CACNA2D1: variants seen among roughly 807,000 people sequenced by gnomAD.
CACNA2D1 encodes the protein calcium voltage-gated channel auxiliary subunit alpha2delta 1.
A neutral mutation model predicts 171.5 loss-of-function variants in CACNA2D1; 53 were observed. The ratio of observed to expected loss-of-function variants is 0.31; its 90% CI spans 0.25 to 0.39. The LOEUF is 0.39. Ranked by LOEUF, CACNA2D1 falls within the 10% of genes least tolerant of loss-of-function variation. The pLI, the probability that CACNA2D1 is intolerant of heterozygous loss-of-function variation, is 1.00. For synonymous variants in CACNA2D1, 442 were observed against 443.1 expected, an observed-to-expected ratio of 1.00 and a Z score of 0.03; for missense variants, 903 against 1,299.8, an observed-to-expected ratio of 0.69 and a Z score of 4.69.
chr7:82,067,126 A>G (rs1442972887), intron 7 of CACNA2D1, among the ~76,000 whole-genome samples: 1 of 152,164 alleles, frequency 6.6e-6, no homozygotes, highest in African/African-American at 2.4e-5. Flanking sequence ...ATCTTTTTGC[A>G]ATAATCAGAA....
intron 4 of CACNA2D1, among the ~76,000 whole-genome samples, chr7:82,139,302 G>A (rs1242345289): frequency 3.3e-5 from 5 of 152,122 alleles, no homozygotes; most frequent in Non-Finnish European, 5.9e-5. Flanking sequence ...TTCACCTAGT[G>A]TCAGAAGGGT....
intron 3 of CACNA2D1, among the ~76,000 whole-genome samples, chr7:82,180,128 T>C (rs1453785810): frequency 6.6e-6 from 1 of 152,044 alleles, no homozygotes; most frequent in African/African-American, 2.4e-5. Flanking sequence ...GAGAGACTAG[T>C]TTTTCAAGAA....
At chr7:82,137,731 T>G (rs1002382201) in intron 4 of CACNA2D1, among the ~76,000 whole-genome samples, 1 of 57,780 alleles carries the variant, frequency 1.7e-5, no homozygotes, top group African/African-American at 8.9e-5. Flanking sequence ...AAAAAAAAAA[T>G]TAGCCGGGCG....
At chr7:82,108,907 G>C (rs187651532) in intron 6 of CACNA2D1, among the ~76,000 whole-genome samples, 2 of 151,936 alleles carry the variant, frequency 1.3e-5, no homozygotes, top group Middle Eastern at 3.2e-3. Context: ...TTCCCTGCTC[G>C]CACCTAATGA....
In CACNA2D1 at chr7:82,297,072, C is replaced by CAA. The variant is rs57473351; in HGVS notation, c.294+38061_294+38062dup. Among the ~76,000 whole-genome samples the CAA allele has an allele frequency of 5.1e-3, 366 of 72,156 alleles. 12 individuals carry two copies. Among genetic ancestry groups the CAA allele is most frequent in the Non-Finnish European group, 5.0e-3 (201 of 40,404 alleles). 47.3% of individuals were successfully genotyped at this position (72,156 alleles called of 152,430 possible). A position where few individuals can be genotyped will look rare whatever the true frequency, so the allele number is the denominator to read the frequency against. On this transcript the variant is annotated intron_variant, in intron 3 of 38. Coordinates refer to ENST00000356860, the MANE Select transcript of CACNA2D1 (RefSeq NM_000722.4). ...AAACATAGTGAGGCTCTGTGTCTAC[C>CAA]AAAAAAAAAAAAAAAAAAAAAAAAA...
chr7:81,958,910 C>T (rs1181852142), intron 38 of CACNA2D1, among the ~76,000 whole-genome samples: 1 of 151,846 alleles, frequency 6.6e-6, no homozygotes, highest in Admixed American at 6.6e-5. Context: ...TTTTTCAATT[C>T]ACTGAAGACA....
At chr7:82,360,595 T>C (rs541719993) in intron 1 of CACNA2D1, among the ~76,000 whole-genome samples, 1 of 152,294 alleles carries the variant, frequency 6.6e-6, no homozygotes, top group South Asian at 2.1e-4. Flanking sequence ...AGACTTGACA[T>C]ACAATAGCAG....
At chr7:82,286,431 T>C (rs1810777811) in intron 3 of CACNA2D1, among the ~76,000 whole-genome samples, 2 of 152,172 alleles carry the variant, frequency 1.3e-5, no homozygotes, top group South Asian at 4.1e-4. Context: ...CAAAACTACC[T>C]ACTCAAAATA....
chr7:82,147,314 G>A (rs1394246742), intron 4 of CACNA2D1, among the ~76,000 whole-genome samples: 3 of 151,886 alleles, frequency 2.0e-5, no homozygotes, highest in African/African-American at 4.8e-5. Context: ...AGCTATTTTG[G>A]TGTTCCAAAT....
chr7:82,279,789 A>G (rs2129370613), intron 3 of CACNA2D1, among the ~76,000 whole-genome samples: 1 of 152,274 alleles, frequency 6.6e-6, no homozygotes, highest in East Asian at 1.9e-4. Context: ...TAATAAGTAT[A>G]TATACCGCTT....
chr7:82,331,396 A>G (rs527852621), intron 3 of CACNA2D1, among the ~76,000 whole-genome samples: 2 of 152,294 alleles, frequency 1.3e-5, no homozygotes, highest in East Asian at 1.9e-4. Flanking sequence ...CTAAAATAGA[A>G]GCAAATTAAC....
intron 3 of CACNA2D1, among the ~76,000 whole-genome samples, chr7:82,330,915 T>G (rs42236): frequency 0.27 from 41,462 of 151,962 alleles, 7,200 homozygotes; most frequent in East Asian, 0.52. Context: ...TTTCACATTC[T>G]TGCTGCTCAA....
intron 3 of CACNA2D1, among the ~76,000 whole-genome samples, chr7:82,275,120 A>G (rs1027918060): frequency 2.6e-5 from 4 of 152,176 alleles, no homozygotes; most frequent in Non-Finnish European, 2.9e-5. Flanking sequence ...AGCTTTTTCC[A>G]TCAAGCAGCC....
chr7:82,086,319 G>A (rs1300847860), intron 6 of CACNA2D1, among the ~76,000 whole-genome samples: 2 of 152,162 alleles, frequency 1.3e-5, no homozygotes, highest in African/African-American at 4.8e-5. Flanking sequence ...AGGTGATTGT[G>A]AAACTCTTCT....
At chr7:82,192,967 A>G (rs557866419) in intron 3 of CACNA2D1, among the ~76,000 whole-genome samples, 12 of 152,056 alleles carry the variant, frequency 7.9e-5, no homozygotes, top group African/African-American at 1.4e-4. Flanking sequence ...AAGTTATTTT[A>G]TGAAGGTCGT....
chr7:81,967,265 T>A, intron 30 of CACNA2D1, 58 bp from the exon 31 acceptor site: 1 of 1,254,310 alleles, frequency 8.0e-7, no homozygotes. Context: ...TTAATTATAT[T>A]ATTACCATGT....
intron 20 of CACNA2D1, among the ~76,000 whole-genome samples, chr7:81,993,688 A>T (rs1334224168): frequency 1.3e-5 from 2 of 152,154 alleles, no homozygotes. Flanking sequence ...TATACATAGA[A>T]ATCTGGAGTA....
At chr7:82,145,276 T>C (rs1041852697) in intron 4 of CACNA2D1, among the ~76,000 whole-genome samples, 2 of 144,496 alleles carry the variant, frequency 1.4e-5, no homozygotes, top group African/African-American at 5.0e-5. Context: ...ATATATAAAA[T>C]AAAATAAAAA....
At chr7:82,137,229 G>A (rs945931046) in intron 4 of CACNA2D1, among the ~76,000 whole-genome samples, 15 of 152,130 alleles carry the variant, frequency 9.9e-5, no homozygotes, top group Non-Finnish European at 1.5e-5. Flanking sequence ...CTAGCAAAGT[G>A]GTGAATTAGC....
Sources: gnomAD v4.1 joint callset for allele counts (sites outside exome capture counted in the v4.1 genomes callset) on GRCh38, gnomAD v4.1.1 for gene constraint, MANE v1.5 for transcripts, NCBI Gene and HGNC (gene_info 2026-07-23, HGNC 2026-07-21) for gene names.